The following ZNF557 variants were observed in gnomAD, a reference collection of about 807,000 sequenced individuals.
The protein encoded by ZNF557 is CTB-25J19.9.
In ZNF557, 19 loss-of-function variants were observed where a neutral mutation model predicts 21.2. That is an observed-to-expected ratio of 0.90 (90% CI 0.63 to 1.32). ZNF557 has a LOEUF of 1.32. Ranked by LOEUF, ZNF557 falls within the 40% of genes most tolerant of loss-of-function variation. The pLI is 0.00. For missense variants in ZNF557, 487 were observed against 519.8 expected (o/e 0.94, Z 0.61); for synonymous variants, 207 against 194.8 (o/e 1.06, Z -0.52).
Position 7,081,356 on chromosome 19 carries a change from A to G in ZNF557, c.248-4A>G, listed in dbSNP as rs985465778. Reference sequence around the variant, plus strand: ...TACATCATGTGTCTTTTCTCCATGTACAGGGAACCAAGTTGATAAACCTAG... The same window carrying G: ...TACATCATGTGTCTTTTCTCCATGTGCAGGGAACCAAGTTGATAAACCTAG... On this transcript the variant is annotated splice_polypyrimidine_tract_variant and splice_region_variant and intron_variant, in intron 5 of 7. Transcript: ENST00000252840. 1.7e-5 allele frequency: 27 copies of G among 1,609,492 alleles called. No individual in the cohort carries two copies. In the Admixed American group the frequency reaches 2.5e-4, roughly 15 times the overall value.
At position 7,083,990 on chromosome 19, in the gene ZNF557, C is replaced by T; in HGVS notation, c.*246C>T. On this transcript the variant is annotated 3_prime_UTR_variant, in exon 8 of 8. Coordinates refer to ENST00000252840, the MANE Select transcript of ZNF557 (RefSeq NM_024341.3). ...GTCCAGATGTCAGCAGAACTGTAAT[C>T]ATCCAGAATTGTTACTGGTGAAGGG... 4.5e-6 allele frequency: 2 copies of T among 441,408 alleles called. No individual in the cohort carries two copies. The highest frequency in any genetic ancestry group is 8.1e-5 in the Admixed American group (2 of 24,556). The allele number at this position is 441,408 out of a possible 1,614,324, so 27.3% of individuals were successfully genotyped here. A position where few individuals can be genotyped will look rare whatever the true frequency, so the allele number is the denominator to read the frequency against.
In ZNF557 at chr19:7,081,291, T is replaced by C. The variant is rs1238221870; in HGVS notation, c.248-69T>C. 5 of 1,061,038 alleles carry C rather than the reference T, an allele frequency of 4.7e-6. No individual in the cohort carries two copies. In the East Asian group the frequency reaches 7.2e-5, roughly 15 times the overall value. The allele number at this position is 1,061,038 out of a possible 1,614,324, so 65.7% of individuals were successfully genotyped here. On this transcript the variant is annotated intron_variant, in intron 5 of 7. Transcript: ENST00000252840. ...ACACCTCTTCACCTTCAGAACTGAT[T>C]TCAGTTTCATGGGAGAGCTTGTCTG...
In ZNF557 at chr19:7,084,108, C is replaced by T. The variant is rs941888844; in HGVS notation, c.*364C>T. On this transcript the variant is annotated 3_prime_UTR_variant, in exon 8 of 8. Transcript: ENST00000252840. ...AAATCACGTAGGCCTCTCAACAGGG[C>T]TGAGTTTCTTTATGGAAGCAACTTC... is the stretch of plus-strand genomic sequence containing the variant. 7.1e-5 allele frequency: 14 copies of T among 195,944 alleles called. No homozygotes were observed. Among genetic ancestry groups the T allele is most frequent in the Admixed American group, 7.0e-4 (13 of 18,696 alleles). The allele number at this position is 195,944 out of a possible 1,614,324, so 12.1% of individuals were successfully genotyped here.
chr19:7,076,767 G>C (rs1201382434), intron 5 of ZNF557, among the ~76,000 whole-genome samples: 1 of 152,084 alleles, frequency 6.6e-6, no homozygotes, highest in African/African-American at 2.4e-5. Flanking sequence ...ATCTTGGCAG[G>C]CACTAATCTT....
rs371752701 is a variant in ZNF557, at chr19:7,083,776, T to G, written c.*32T>G. 1.3e-6 allele frequency: 2 copies of G among 1,564,186 alleles called. No homozygotes were observed. Among genetic ancestry groups the G allele is most frequent in the African/African-American group, 2.7e-5 (2 of 73,436 alleles). On this transcript the variant is annotated 3_prime_UTR_variant, in exon 8 of 8. Transcript: ENST00000252840. The stretch of plus-strand genomic sequence containing the variant: ...TAACTGTGGGAAAAGCATTCATTGA[T>G]CTTTCATGCCTCAGATAACATGAGC...
rs1977879569 is a variant in ZNF557, at chr19:7,087,229, T to C, written c.*3485T>C. The C allele has an allele frequency of 7.0e-6, 1 of 143,362 alleles. No individual in the cohort carries two copies. The highest frequency in any genetic ancestry group is 2.2e-4 in the South Asian group (1 of 4,502). The allele number at this position is 143,362 out of a possible 1,614,324, so 8.9% of individuals were successfully genotyped here. A position where few individuals can be genotyped will look rare whatever the true frequency, so the allele number is the denominator to read the frequency against. ...TTTTTTTTTTTTTTTTTTTTTTTCT[T>C]CACTGTGGTGATAAAAACCACAGTG... On this transcript the variant is annotated 3_prime_UTR_variant, in exon 8 of 8. Coordinates refer to ENST00000252840, the MANE Select transcript of ZNF557 (RefSeq NM_024341.3).
At chr19:7,080,011 A>G (rs771446723) in intron 5 of ZNF557, among the ~76,000 whole-genome samples, 128 of 152,160 alleles carry the variant, frequency 8.4e-4, no homozygotes, top group Middle Eastern at 3.4e-3. Flanking sequence ...CCTTCTAGAA[A>G]TGTGTGGAGG....
intron 5 of ZNF557, among the ~76,000 whole-genome samples, chr19:7,076,894 C>T (rs12983272): frequency 0.25 from 37,718 of 151,240 alleles, 5,314 homozygotes; most frequent in Non-Finnish European, 0.33. Context: ...ACCACAGGTG[C>T]GGACCACCAC....
intron 2 of ZNF557, among the ~76,000 whole-genome samples, chr19:7,073,754 T>TG (rs1220999882): frequency 6.6e-6 from 1 of 152,080 alleles, no homozygotes; most frequent in Non-Finnish European, 1.5e-5. Context: ...CCCCGGAGAT[T>TG]GGGGGTATGG....
rs1387440119 is a variant in ZNF557 at position 7,075,013 on chromosome 19, G to T, written c.-62G>T. The T allele has an allele frequency of 2.5e-6, 4 of 1,612,892 alleles. No homozygotes were observed. The highest frequency in any genetic ancestry group is 2.5e-6 in the Non-Finnish European group (3 of 1,179,542). ...TCTTCCAGGGTGCTGTCCTGAGAGC[G>T]CTGCGGGATAAAGGAGGAGCGTCCT... On this transcript the variant is annotated 5_prime_UTR_variant, in exon 3 of 8. Transcript: ENST00000252840.
At position 7,083,784 on chromosome 19, in the gene ZNF557, G is replaced by A. The variant is rs754943629; in HGVS notation, c.*40G>A. ...GGAAAAGCATTCATTGATCTTTCATGCCTCAGATAACATGAGCAAACTCTA... is the reference window on the plus strand; with the variant it reads ...GGAAAAGCATTCATTGATCTTTCATACCTCAGATAACATGAGCAAACTCTA... On this transcript the variant is annotated 3_prime_UTR_variant, in exon 8 of 8. Transcript: ENST00000252840. The A allele has an allele frequency of 4.5e-6, 7 of 1,553,780 alleles. No individual in the cohort carries two copies. The Admixed American group carries it at 1.3e-4, about 29-fold the overall frequency.
Position 7,083,574 on chromosome 19 carries a change from T to A in ZNF557, c.1123T>A (p.Ser375Thr). ...CAGGAGAATACATAATGGAGAGAAA[T>A]CCTATGAGTGCAGTGATTGTGGAAA... ...IHRRIHNGEK[S>T]YECSDCGKSF... The change falls in exon 8 of 8, where the codon TCC becomes ACC. Residue 375 changes from serine to threonine, a missense_variant. Transcript: ENST00000252840. 1 of 1,614,108 alleles carries A rather than the reference T, an allele frequency of 6.2e-7. No homozygotes were observed. The highest frequency in any genetic ancestry group is 8.5e-7 in the Non-Finnish European group (1 of 1,179,992).
chr19:7,077,885 A>G (rs749505488), intron 5 of ZNF557, among the ~76,000 whole-genome samples: 1 of 151,806 alleles, frequency 6.6e-6, no homozygotes, highest in Non-Finnish European at 1.5e-5. Flanking sequence ...TTTTATTTCT[A>G]TTCCCTAAAA....
chr19:7,078,416 AT>A (rs1278291826), intron 5 of ZNF557, among the ~76,000 whole-genome samples: 1 of 148,522 alleles, frequency 6.7e-6, no homozygotes, highest in Admixed American at 6.7e-5. Flanking sequence ...AAGTTTGGCC[AT>A]TATTTTTACA....
intron 1 of ZNF557, among the ~76,000 whole-genome samples, 184 bp downstream of exon 1, chr19:7,069,957 G>C (rs1977427278): frequency 6.6e-6 from 1 of 152,334 alleles, no homozygotes; most frequent in East Asian, 1.9e-4. Context: ...GCCCTCACCC[G>C]GGGCGATTCT....
At chr19:7,077,011 G>A (rs1043875176) in intron 5 of ZNF557, among the ~76,000 whole-genome samples, 1 of 151,860 alleles carries the variant, frequency 6.6e-6, no homozygotes, top group Non-Finnish European at 1.5e-5. Context: ...GCTTCCCAAA[G>A]TGCTGGGATT....
intron 6 of ZNF557, 80 bp downstream of exon 6, chr19:7,081,535 T>A: frequency 1.0e-6 from 1 of 952,392 alleles, no homozygotes; most frequent in Non-Finnish European, 1.6e-6. Context: ...TATAATACAT[T>A]AGGAAATATC....
At chr19:7,080,391 T>C (rs1458111481) in intron 5 of ZNF557, among the ~76,000 whole-genome samples, 1 of 152,144 alleles carries the variant, frequency 6.6e-6, no homozygotes, top group African/African-American at 2.4e-5. Flanking sequence ...GGTTAGTCTT[T>C]TGTTTGCTTC....
chr19:7,081,864 A>C, intron 6 of ZNF557, 106 bp from the exon 7 acceptor site: 1 of 817,252 alleles, frequency 1.2e-6, no homozygotes, highest in Non-Finnish European at 2.0e-6. Flanking sequence ...AAAAACCCTC[A>C]CCTCTCAGAT....
Sources: gnomAD v4.1 joint callset for allele counts (sites outside exome capture counted in the v4.1 genomes callset) on GRCh38, gnomAD v4.1.1 for gene constraint, MANE v1.5 for transcripts, NCBI Gene and HGNC (gene_info 2026-07-23, HGNC 2026-07-21) for gene names.